Variants in FANCD2 observed in about 807,000 individuals in gnomAD.
FANCD2 encodes Fanconi anemia group D2 protein.
FANCD2 carries 131 observed loss-of-function variants against 192.3 expected under a neutral mutation model. That is an observed-to-expected ratio of 0.68 (90% CI 0.59 to 0.79). The LOEUF is 0.79. Ranked by LOEUF, FANCD2 falls within the 30% of genes least tolerant of loss-of-function variation. FANCD2 has a pLI of 0.00. For missense variants in FANCD2, 1,508 were observed against 1,701.6 expected (o/e 0.89, Z 2.00); for synonymous variants, 524 against 612.5 (o/e 0.86, Z 2.13).
At chr3:10,029,372 G>A (rs550125193) in intron 2 of FANCD2, among the ~76,000 whole-genome samples, 2 of 152,090 alleles carry the variant, frequency 1.3e-5, no homozygotes, top group Non-Finnish European at 2.9e-5. Context: ...ATGGTGGTTT[G>A]TGCCTGTGGT....
At chr3:10,050,572 A>C (rs375099172) in intron 17 of FANCD2, among the ~76,000 whole-genome samples, 227 of 147,986 alleles carry the variant, frequency 1.5e-3, no homozygotes, top group African/African-American at 5.6e-3. Context: ...GCAGTGAGCC[A>C]AGATAACACC....
At chr3:10,030,959 A>G (rs1484675231) in intron 2 of FANCD2, among the ~76,000 whole-genome samples, 1 of 152,140 alleles carries the variant, frequency 6.6e-6, no homozygotes, top group Non-Finnish European at 1.5e-5. Context: ...TTCTAGAATT[A>G]GAATATAGAG....
At chr3:10,044,694 T>C (rs1305807102) in intron 14 of FANCD2, among the ~76,000 whole-genome samples, 1 of 152,130 alleles carries the variant, frequency 6.6e-6, no homozygotes, top group Admixed American at 6.5e-5. Flanking sequence ...AGTTTTGTTA[T>C]CCAATTTTGG....
At chr3:10,097,199 G>C (rs1023787308) in intron 42 of FANCD2, among the ~76,000 whole-genome samples, 1 of 152,208 alleles carries the variant, frequency 6.6e-6, no homozygotes, top group Non-Finnish European at 1.5e-5. Flanking sequence ...CAGGACCGAG[G>C]CGAAATTGAA....
intron 24 of FANCD2, among the ~76,000 whole-genome samples, 154 bp downstream of exon 24, chr3:10,065,648 T>A (rs2087698546): frequency 2.0e-5 from 3 of 152,264 alleles, no homozygotes; most frequent in South Asian, 2.1e-4. Flanking sequence ...AAATAGTACA[T>A]ACAGAATCCC....
At chr3:10,070,817 C>CGGT (rs1221167494) in intron 26 of FANCD2, among the ~76,000 whole-genome samples, 1 of 147,352 alleles carries the variant, frequency 6.8e-6, no homozygotes, top group Non-Finnish European at 1.5e-5. Context: ...TCCTGTTGAT[C>CGGT]GGTGACCTTA....
intron 14 of FANCD2, among the ~76,000 whole-genome samples, chr3:10,046,097 A>C (rs2086999674): frequency 7.2e-6 from 1 of 138,172 alleles, no homozygotes; most frequent in African/African-American, 2.9e-5. Context: ...TCTCTCACCC[A>C]GGCTGGAGTG....
At chr3:10,089,720 G>A (rs1230488270) in intron 36 of FANCD2, among the ~76,000 whole-genome samples, 3 of 152,098 alleles carry the variant, frequency 2.0e-5, no homozygotes. Flanking sequence ...TGCCTGCCTC[G>A]GCCTCTCAAA....
chr3:10,036,086 C>CTGTTTTTTTTTTTTTTTTTTTTT (rs2086721690), intron 6 of FANCD2, among the ~76,000 whole-genome samples: 1 of 102,602 alleles, frequency 9.7e-6, no homozygotes, highest in African/African-American at 4.2e-5. Flanking sequence ...TTATACATTT[C>CTGTTTTTTTTTTTTTTTTTTTTT]TTTTTTTTTT....
intron 19 of FANCD2, among the ~76,000 whole-genome samples, chr3:10,061,030 G>A (rs1218831897): frequency 6.6e-6 from 1 of 152,200 alleles, no homozygotes; most frequent in African/African-American, 2.4e-5. Context: ...CAAAGACAAA[G>A]TATGTAAGTC....
intron 26 of FANCD2, among the ~76,000 whole-genome samples, chr3:10,072,228 G>T (rs1363187796): frequency 1.3e-5 from 2 of 151,552 alleles, no homozygotes; most frequent in African/African-American, 4.8e-5. Context: ...TATACATTGT[G>T]TACCTGTATC....
At chr3:10,032,999 C>T in intron 3 of FANCD2, 27 bp downstream of exon 3, 2 of 1,515,346 alleles carry the variant, frequency 1.3e-6, no homozygotes, top group Non-Finnish European at 1.8e-6. Flanking sequence ...ATTTTATTCT[C>T]TGGGTTTAAT....
chr3:10,069,818 C>G (rs1344351397), intron 26 of FANCD2, among the ~76,000 whole-genome samples: 1 of 152,132 alleles, frequency 6.6e-6, no homozygotes, highest in African/African-American at 2.4e-5. Flanking sequence ...GCTACAACCT[C>G]CACCTCCCAG....
intron 14 of FANCD2, among the ~76,000 whole-genome samples, chr3:10,045,117 T>G (rs1183401083): frequency 7.2e-6 from 1 of 138,722 alleles, no homozygotes; most frequent in African/African-American, 3.0e-5. Flanking sequence ...AAGCATAGAC[T>G]CAGGTTGCCC....
chr3:10,069,462 T>TCCCC (rs1455858567), intron 26 of FANCD2, among the ~76,000 whole-genome samples: 1 of 121,546 alleles, frequency 8.2e-6, no homozygotes, highest in Admixed American at 7.6e-5. Flanking sequence ...TTAAGATGCC[T>TCCCC]CTCCCCCTCC....
At chr3:10,059,367 G>A (rs1248538644) in intron 18 of FANCD2, among the ~76,000 whole-genome samples, 1 of 152,024 alleles carries the variant, frequency 6.6e-6, no homozygotes, top group East Asian at 1.9e-4. Flanking sequence ...TCATTATTTT[G>A]GCTGAGCAGT....
chr3:10,064,185 A>T (rs978933025), intron 21 of FANCD2, among the ~76,000 whole-genome samples, 171 bp from the exon 22 acceptor site: 6 of 152,198 alleles, frequency 3.9e-5, no homozygotes, highest in African/African-American at 1.2e-4. Flanking sequence ...GCCTTGTGCT[A>T]AGTGCTTTTT....
intron 40 of FANCD2, 117 bp from the exon 41 acceptor site, chr3:10,095,082 AG>A (rs1694872241): frequency 1.2e-6 from 1 of 816,036 alleles, no homozygotes; most frequent in Admixed American, 2.0e-5. Context: ...GATGATTATC[AG>A]CATAGGCTGG....
chr3:10,054,238 G>C (rs9835472), intron 18 of FANCD2, among the ~76,000 whole-genome samples: 4 of 149,274 alleles, frequency 2.7e-5, no homozygotes, highest in African/African-American at 9.9e-5. Context: ...TAAATAAAAC[G>C]AAGAGATTAG....
Sources: gnomAD v4.1 joint callset for allele counts (sites outside exome capture counted in the v4.1 genomes callset) on GRCh38, gnomAD v4.1.1 for gene constraint, MANE v1.5 for transcripts, NCBI Gene and HGNC (gene_info 2026-07-23, HGNC 2026-07-21) for gene names.